The following CCAR1 variants were observed in gnomAD, a reference collection of about 807,000 sequenced individuals.
CCAR1 encodes the protein cell division cycle and apoptosis regulator protein 1.
Under a neutral mutation model 163.8 loss-of-function variants are expected in CCAR1, and 78 were observed. The ratio of observed to expected loss-of-function variants is 0.48; its 90% CI spans 0.40 to 0.57. The LOEUF (loss-of-function observed/expected upper bound fraction) is 0.57, where lower values mean the gene tolerates loss of function less well. Among genes scored for constraint, CCAR1 ranks in the 20% least tolerant of loss-of-function variants. CCAR1 has a pLI of 0.00. For synonymous variants in CCAR1, 443 were observed against 460.7 expected, an observed-to-expected ratio of 0.96 and a Z score of 0.49; for missense variants, 1,019 against 1,365.2, an observed-to-expected ratio of 0.75 and a Z score of 4.00.
In CCAR1 at chr10:68,771,211, A is replaced by G. The variant is rs756438659; in HGVS notation, c.2304A>G (p.Ser768=). ...ATGTTGATATCTTTTTATAGGTTTCATTGTTTGCGGAACTTTTCAACGAAA... is the reference window on the plus strand; with the variant it reads ...ATGTTGATATCTTTTTATAGGTTTCGTTGTTTGCGGAACTTTTCAACGAAA... The part of the protein sequence containing the change: ...EDNKEHSFEV[S]LFAELFNEML... The change falls in exon 18 of 25, where the codon TCA becomes TCG. Residue 768 remains serine (S), a synonymous_variant. Coordinates refer to ENST00000265872, the MANE Select transcript of CCAR1 (RefSeq NM_018237.4). 2 of 1,585,018 alleles carry G rather than the reference A, an allele frequency of 1.3e-6. No individual in the cohort carries two copies. The highest frequency in any genetic ancestry group is 1.7e-6 in the Non-Finnish European group (2 of 1,171,736).
intron 1 of CCAR1, among the ~76,000 whole-genome samples, chr10:68,722,122 TAA>T (rs1270930747): frequency 1.3e-5 from 2 of 152,186 alleles, no homozygotes; most frequent in East Asian, 3.9e-4. Context: ...CCTGTGAATA[TAA>T]AGTTGTGAAC....
intron 23 of CCAR1, 49 bp downstream of exon 23, chr10:68,788,377 CACGTATATGTTTATGTGTGT>C: frequency 2.2e-6 from 3 of 1,353,014 alleles, no homozygotes; most frequent in Non-Finnish European, 3.0e-6. Context: ...CCTGCTGGGA[CACGTATATGTTTATGTGTGT>C]ACATACATAT....
At chr10:68,777,255 C>T (rs369604026) in intron 19 of CCAR1, among the ~76,000 whole-genome samples, 1 of 152,196 alleles carries the variant, frequency 6.6e-6, no homozygotes. Flanking sequence ...AACCTGTTTA[C>T]GTGTTTCCTC....
chr10:68,765,877 G>C lies in CCAR1; in HGVS notation c.2107-11G>C. ...CAGATTTAACCTTGACTTGAAATTT[G>C]AAATATTTAGGAAGAAGAAAGGAAA... On this transcript the variant is annotated splice_polypyrimidine_tract_variant and intron_variant, in intron 16 of 24. Transcript: ENST00000265872. The C allele has an allele frequency of 1.2e-6, 2 of 1,602,904 alleles. No individual in the cohort carries two copies. The highest frequency in any genetic ancestry group is 1.7e-6 in the Non-Finnish European group (2 of 1,172,974).
intron 19 of CCAR1, among the ~76,000 whole-genome samples, chr10:68,785,185 G>A (rs1195509028): frequency 6.6e-6 from 1 of 151,486 alleles, no homozygotes; most frequent in African/African-American, 2.4e-5. Flanking sequence ...CCAAAGTGCT[G>A]GGATTACAGG....
intron 19 of CCAR1, among the ~76,000 whole-genome samples, chr10:68,785,902 A>G (rs533242771): frequency 2.0e-5 from 3 of 152,262 alleles, no homozygotes; most frequent in Non-Finnish European, 2.9e-5. Flanking sequence ...CCTGTTATCA[A>G]GGTTCATGTA....
At chr10:68,746,356 A>G (rs1055973978) in intron 6 of CCAR1, among the ~76,000 whole-genome samples, 5 of 152,038 alleles carry the variant, frequency 3.3e-5, no homozygotes, top group Non-Finnish European at 5.9e-5. Context: ...GGCTCACTGC[A>G]ACCTCCGCCT....
chr10:68,754,835 G>A lies in CCAR1; in HGVS notation c.1458+8G>A, dbSNP rs372046249. 96 of 1,470,650 alleles carry A rather than the reference G, an allele frequency of 6.5e-5. No individual in the cohort carries two copies. The highest frequency in any genetic ancestry group is 8.9e-5 in the Non-Finnish European group (93 of 1,050,194). 91.1% of individuals were successfully genotyped at this position (1,470,650 alleles called of 1,614,324 possible). On this transcript the variant is annotated splice_region_variant and intron_variant, in intron 12 of 24. Transcript: ENST00000265872. Reference sequence around the variant, plus strand: ...CCTGCTAGACTTGTTAAGGTAAAAGGACACATTTGTTTTAACTTTAGATGT... The same window carrying A: ...CCTGCTAGACTTGTTAAGGTAAAAGAACACATTTGTTTTAACTTTAGATGT...
chr10:68,791,494 A>C lies in CCAR1; in HGVS notation c.*228A>C, dbSNP rs2056851448. 1 of 311,096 alleles carries C rather than the reference A, an allele frequency of 3.2e-6. No homozygotes were observed. Among genetic ancestry groups the C allele is most frequent in the South Asian group, 8.3e-5 (1 of 12,000 alleles). 19.3% of individuals were successfully genotyped at this position (311,096 alleles called of 1,614,324 possible). A position where few individuals can be genotyped will look rare whatever the true frequency, so the allele number is the denominator to read the frequency against. On this transcript the variant is annotated 3_prime_UTR_variant, in exon 25 of 25. Transcript: ENST00000265872. The stretch of plus-strand genomic sequence containing the variant: ...CTTGAGTGAAATAATTTTGCATTGC[A>C]AAGTGTTTTAGGATGAACTTTGTTA...
At chr10:68,747,082 A>G in intron 6 of CCAR1, 79 bp from the exon 7 acceptor site, 1 of 703,048 alleles carries the variant, frequency 1.4e-6, no homozygotes, top group Non-Finnish European at 2.3e-6. Context: ...TTAAAGTACT[A>G]ACTATGTAAA....
intron 2 of CCAR1, among the ~76,000 whole-genome samples, chr10:68,732,697 A>G (rs946427390): frequency 2.0e-5 from 3 of 152,138 alleles, no homozygotes; most frequent in Non-Finnish European, 2.9e-5. Context: ...ATCCTTTTGA[A>G]AATCGGATGA....
intron 8 of CCAR1, among the ~76,000 whole-genome samples, chr10:68,748,292 C>T (rs1416207318): frequency 1.3e-5 from 2 of 151,968 alleles, no homozygotes; most frequent in Non-Finnish European, 2.9e-5. Context: ...CTCAGCTACT[C>T]TGGAGGCTGA....
At chr10:68,730,356 G>T (rs1437352911) in intron 2 of CCAR1, among the ~76,000 whole-genome samples, 1 of 147,782 alleles carries the variant, frequency 6.8e-6, no homozygotes, top group Admixed American at 6.7e-5. Flanking sequence ...TTTATTTTTT[G>T]AGATGGAGTC....
At chr10:68,736,013 C>T (rs2056105149) in intron 2 of CCAR1, among the ~76,000 whole-genome samples, 1 of 151,926 alleles carries the variant, frequency 6.6e-6, no homozygotes, top group Admixed American at 6.6e-5. Context: ...TCACCATGCC[C>T]AGTTAATTTT....
At chr10:68,775,497 C>CTTTTTTTTTTTTTTTTTTTT (rs58856212) in intron 19 of CCAR1, among the ~76,000 whole-genome samples, 1 of 117,986 alleles carries the variant, frequency 8.5e-6, no homozygotes. Context: ...GCCTCATTTT[C>CTTTTTTTTTTTTTTTTTTTT]TTTTTTTTTT....
At position 68,746,890 on chromosome 10, in the gene CCAR1, T is replaced by A. The variant is rs115840516; in HGVS notation, c.519-271T>A. On this transcript the variant is annotated intron_variant, in intron 6 of 24. Transcript: ENST00000265872. ...ACCACACCCAGCCCCATCTACTTTT[T>A]TTATTATTATTATTATTATACTTTA... Among the ~76,000 whole-genome samples the A allele has an allele frequency of 3.4e-3, 517 of 151,666 alleles. 1 individual carries two copies. Among genetic ancestry groups the A allele is most frequent in the African/African-American group, 0.011 (453 of 41,460 alleles).
Position 68,749,261 on chromosome 10 carries a change from C to T in CCAR1, c.952C>T (p.Arg318Ter). The T allele has an allele frequency of 6.2e-7, 1 of 1,606,570 alleles. No homozygotes were observed. The highest frequency in any genetic ancestry group is 8.5e-7 in the Non-Finnish European group (1 of 1,177,910). Residue 318 changes from arginine to a stop codon, truncating the protein, a stop_gained, in exon 9 of 25, where the codon CGA becomes TGA. Coordinates refer to ENST00000265872, the MANE Select transcript of CCAR1 (RefSeq NM_018237.4). LOFTEE classifies it high-confidence loss of function. ...TCAAGTGCCTAACAGAAAAGATGAT[C>T]GAAGGTATATTTTCTAAAGTGTACT... ...GDQVPNRKDD[R>*]SRERERERRR... is the part of the protein sequence containing the mutation.
intron 8 of CCAR1, among the ~76,000 whole-genome samples, chr10:68,748,502 T>A (rs2056288088): frequency 1.3e-5 from 2 of 150,730 alleles, no homozygotes; most frequent in Admixed American, 1.3e-4. Context: ...TTTTTTTTTT[T>A]TTTTGAGGCA....
intron 5 of CCAR1, among the ~76,000 whole-genome samples, chr10:68,741,411 C>G: frequency 6.6e-6 from 1 of 152,228 alleles, no homozygotes; most frequent in South Asian, 2.1e-4. Flanking sequence ...GCTTTACAGA[C>G]TATTTATTGT....
Sources: gnomAD v4.1 joint callset for allele counts (sites outside exome capture counted in the v4.1 genomes callset) on GRCh38, gnomAD v4.1.1 for gene constraint, MANE v1.5 for transcripts, NCBI Gene and HGNC (gene_info 2026-07-23, HGNC 2026-07-21) for gene names.